Variants in LRP1B observed in about 807,000 individuals in gnomAD.
The protein encoded by LRP1B is LDL receptor related protein 1B.
LRP1B carries 217 observed loss-of-function variants against 556.6 expected under a neutral mutation model. That is an observed-to-expected ratio of 0.39 (90% confidence interval 0.35 to 0.44). The LOEUF is 0.44. Among genes scored for constraint, LRP1B ranks in the 20% least tolerant of loss-of-function variants. LRP1B has a pLI of 1.00. For synonymous variants in LRP1B, 2,047 were observed against 1,865.8 expected, an observed-to-expected ratio of 1.10 and a Z score of -2.50; for missense variants, 5,053 against 5,620.8, an observed-to-expected ratio of 0.90 and a Z score of 3.23.
At chr2:141,603,503 G>C (rs747927212) in intron 2 of LRP1B, among the ~76,000 whole-genome samples, 14 of 152,090 alleles carry the variant, frequency 9.2e-5, no homozygotes, top group Non-Finnish European at 1.6e-4. Flanking sequence ...ACAGATAATA[G>C]GGAATTTTTC....
At chr2:140,371,413 T>C in intron 69 of LRP1B, 128 bp from the exon 70 acceptor site, 1 of 408,132 alleles carries the variant, frequency 2.5e-6, no homozygotes, top group South Asian at 7.2e-5. Flanking sequence ...TATAACGACA[T>C]TTAATGACTG....
At chr2:141,596,680 G>T (rs1158047962) in intron 2 of LRP1B, among the ~76,000 whole-genome samples, 1 of 151,926 alleles carries the variant, frequency 6.6e-6, no homozygotes, top group Non-Finnish European at 1.5e-5. Flanking sequence ...AACCCCTTTG[G>T]AGAATTTCAA....
At chr2:140,288,474 A>T (rs1397422762) in intron 84 of LRP1B, among the ~76,000 whole-genome samples, 1 of 151,888 alleles carries the variant, frequency 6.6e-6, no homozygotes, top group East Asian at 1.9e-4. Context: ...CACGTTTAAA[A>T]GTTACTCTTA....
At chr2:141,938,490 G>A (rs999684485) in intron 1 of LRP1B, among the ~76,000 whole-genome samples, 1 of 152,080 alleles carries the variant, frequency 6.6e-6, no homozygotes, top group African/African-American at 2.4e-5. Context: ...ACTGTTGGTG[G>A]GAATGTAAAT....
At position 141,925,872 on chromosome 2, in the gene LRP1B, G is replaced by T. The variant is rs1019406979; in HGVS notation, c.83-115471C>A. Among the ~76,000 whole-genome samples, 3 of 152,094 alleles carry T rather than the reference G, an allele frequency of 2.0e-5. No individual in the cohort carries two copies. In the East Asian group the frequency reaches 5.8e-4, roughly 29 times the overall value. On this transcript the variant is annotated intron_variant, in intron 1 of 90. Coordinates refer to ENST00000389484, the MANE Select transcript of LRP1B (RefSeq NM_018557.3). ...AATTCCAGCCCTGTATTTCTTTGTAGGATGGCCTTAGCAAAGTACTTAACA... is the reference window on the plus strand; with the variant it reads ...AATTCCAGCCCTGTATTTCTTTGTATGATGGCCTTAGCAAAGTACTTAACA...
At chr2:141,899,256 G>A (rs1699546743) in intron 1 of LRP1B, among the ~76,000 whole-genome samples, 1 of 152,056 alleles carries the variant, frequency 6.6e-6, no homozygotes, top group Admixed American at 6.6e-5. Context: ...TTAAATCACA[G>A]CTCTAATGAA....
intron 66 of LRP1B, among the ~76,000 whole-genome samples, chr2:140,415,297 C>T (rs1685143098): frequency 6.6e-6 from 1 of 152,122 alleles, no homozygotes. Context: ...TGCTTTTGCC[C>T]TTTGTCCTGT....
chr2:141,242,505 TC>T (rs1198591352), intron 5 of LRP1B, among the ~76,000 whole-genome samples: 2 of 152,084 alleles, frequency 1.3e-5, no homozygotes, highest in Non-Finnish European at 2.9e-5. Flanking sequence ...CAATTCCTGT[TC>T]TTACAACTAA....
chr2:140,662,262 G>A (rs1441652573), intron 41 of LRP1B, among the ~76,000 whole-genome samples: 2 of 151,974 alleles, frequency 1.3e-5, no homozygotes, highest in African/African-American at 4.8e-5. Context: ...GAGAAAATTA[G>A]AGATTGTAAA....
intron 31 of LRP1B, among the ~76,000 whole-genome samples, chr2:140,815,898 C>T (rs1319470433): frequency 2.0e-5 from 3 of 147,676 alleles, no homozygotes; most frequent in African/African-American, 7.5e-5. Context: ...CTGAGTTCAC[C>T]AGAGTCTATT....
At chr2:140,364,630 G>T (rs2105151139) in intron 72 of LRP1B, 31 bp downstream of exon 72, 1 of 1,604,216 alleles carries the variant, frequency 6.2e-7, no homozygotes. Flanking sequence ...GAAGATAAAA[G>T]TATAATCTAG....
chr2:142,029,278 G>A (rs191408368), intron 1 of LRP1B, among the ~76,000 whole-genome samples: 6 of 151,934 alleles, frequency 3.9e-5, no homozygotes, highest in Non-Finnish European at 8.8e-5. Flanking sequence ...CTGCCCATTT[G>A]TTAGAACAGT....
chr2:140,467,693 T>C (rs942348891), intron 60 of LRP1B, among the ~76,000 whole-genome samples: 1 of 151,270 alleles, frequency 6.6e-6, no homozygotes, highest in African/African-American at 2.4e-5. Flanking sequence ...TCTACCCTCA[T>C]GAGTGAAACT....
At chr2:141,971,242 A>G (rs1701723665) in intron 1 of LRP1B, among the ~76,000 whole-genome samples, 1 of 151,438 alleles carries the variant, frequency 6.6e-6, no homozygotes, top group South Asian at 2.1e-4. Context: ...TGTATCTTAG[A>G]AAGAATTAGA....
chr2:140,480,207 A>G (rs1258131969), intron 59 of LRP1B, among the ~76,000 whole-genome samples: 1 of 152,204 alleles, frequency 6.6e-6, no homozygotes, highest in Non-Finnish European at 1.5e-5. Flanking sequence ...AAAATGTTTT[A>G]CAGAGGAAGT....
intron 43 of LRP1B, among the ~76,000 whole-genome samples, chr2:140,551,570 A>T (rs1680549460): frequency 6.6e-6 from 1 of 152,188 alleles, no homozygotes; most frequent in African/African-American, 2.4e-5. Flanking sequence ...TTATTCTGAA[A>T]GCAGCGGTCA....
At chr2:140,720,731 C>CA (rs1389009180) in intron 35 of LRP1B, among the ~76,000 whole-genome samples, 1 of 152,096 alleles carries the variant, frequency 6.6e-6, no homozygotes, top group African/African-American at 2.4e-5. Flanking sequence ...TCTGTGAAAA[C>CA]ACTCTACTCT....
chr2:140,746,080 G>T, intron 35 of LRP1B, among the ~76,000 whole-genome samples: 1 of 152,066 alleles, frequency 6.6e-6, no homozygotes, highest in Non-Finnish European at 1.5e-5. Flanking sequence ...GGTTGTGAGT[G>T]TGCACAATAT....
chr2:141,554,206 T>C (rs1048248316), intron 2 of LRP1B, among the ~76,000 whole-genome samples: 3 of 145,984 alleles, frequency 2.1e-5, no homozygotes, highest in African/African-American at 7.4e-5. Flanking sequence ...TATATATCTA[T>C]AGGAATAGAC....
Sources: gnomAD v4.1 joint callset for allele counts (sites outside exome capture counted in the v4.1 genomes callset) on GRCh38, gnomAD v4.1.1 for gene constraint, MANE v1.5 for transcripts, NCBI Gene and HGNC (gene_info 2026-07-23, HGNC 2026-07-21) for gene names.